APBA1: variants seen among roughly 807,000 people sequenced by gnomAD.
The protein encoded by APBA1 is amyloid beta precursor protein binding family A member 1, also known as amyloid-beta A4 precursor protein-binding family A member 1.
A neutral mutation model predicts 86.6 loss-of-function variants in APBA1; 55 were observed. That is an observed-to-expected ratio of 0.64 (90% CI 0.51 to 0.80). The LOEUF (loss-of-function observed/expected upper bound fraction) is 0.80. Among genes scored for constraint, APBA1 ranks in the 30% least tolerant of loss-of-function variants. The pLI is 0.00. For missense variants in APBA1, 1,090 were observed against 1,183.0 expected, an observed-to-expected ratio of 0.92 and a Z score of 1.15; for synonymous variants, 511 against 493.9, an observed-to-expected ratio of 1.03 and a Z score of -0.46.
chr9:69,593,822 A>G (rs573367302), intron 1 of APBA1, among the ~76,000 whole-genome samples: 1 of 152,222 alleles, frequency 6.6e-6, no homozygotes, highest in Non-Finnish European at 1.5e-5. Context: ...ACCTTTTATT[A>G]GCGTTTTTCA....
intron 1 of APBA1, among the ~76,000 whole-genome samples, chr9:69,645,200 T>C (rs1823368552): frequency 6.6e-6 from 1 of 152,148 alleles, no homozygotes; most frequent in Non-Finnish European, 1.5e-5. Flanking sequence ...ACTTGTATGT[T>C]TTTTATTACC....
intron 2 of APBA1, among the ~76,000 whole-genome samples, chr9:69,492,027 A>G (rs1835722061): frequency 6.6e-6 from 1 of 152,062 alleles, no homozygotes; most frequent in Admixed American, 6.5e-5. Flanking sequence ...AGCCTCCCAT[A>G]GTGCTGGGAT....
chr9:69,489,366 C>T (rs886716106), intron 2 of APBA1, among the ~76,000 whole-genome samples: 1 of 152,048 alleles, frequency 6.6e-6, no homozygotes, highest in Admixed American at 6.6e-5. Context: ...CTGACAAAAA[C>T]AAGCAATGGG....
At chr9:69,636,987 A>AAAGAAAGATAG (rs1564099121) in intron 1 of APBA1, among the ~76,000 whole-genome samples, 39 of 96,344 alleles carry the variant, frequency 4.0e-4, no homozygotes, top group Non-Finnish European at 8.0e-4. Flanking sequence ...AAGAAAGAAA[A>AAAGAAAGATAG]ATGTGATACA....
intron 2 of APBA1, among the ~76,000 whole-genome samples, chr9:69,512,391 T>C (rs186324744): frequency 3.2e-4 from 48 of 152,334 alleles, no homozygotes; most frequent in Admixed American, 9.1e-4. Flanking sequence ...CTGGGGGAAT[T>C]AAAAGTAGTG....
At chr9:69,545,802 T>A (rs934504135) in intron 1 of APBA1, among the ~76,000 whole-genome samples, 2 of 152,200 alleles carry the variant, frequency 1.3e-5, no homozygotes, top group Admixed American at 1.3e-4. Flanking sequence ...AGATGTGAAA[T>A]GACTTTGAAT....
chr9:69,636,971 G>T (rs967163734), intron 1 of APBA1, among the ~76,000 whole-genome samples: 5 of 151,080 alleles, frequency 3.3e-5, no homozygotes, highest in African/African-American at 1.2e-4. Context: ...AAGAAAGAAA[G>T]AAAGAAAGAA....
Position 69,457,129 on chromosome 9 carries a change from C to T in APBA1, c.1526G>A (p.Gly509Asp). ...LAKSRKKAPE[G>D]ESQPMTEVDL... ...CACTTCAGTCATTGGCTGAGATTCG[C>T]CTTCAGGAGCCTGAGAAGAAAAAAT... is the stretch of plus-strand genomic sequence containing the variant. The change falls in exon 7 of 13, where the codon GGC becomes GAC. Residue 509 changes from glycine to aspartate, a missense_variant. Gly to Asp is a moderately conservative substitution (Grantham distance 94). This residue lies in a region of APBA1 where 76 missense variants were observed against 122.2 expected (regional missense o/e 0.62). Transcript: ENST00000265381. 1 of 1,614,054 alleles carries T rather than the reference C, an allele frequency of 6.2e-7. No homozygotes were observed. Among genetic ancestry groups the T allele is most frequent in the Non-Finnish European group, 8.5e-7 (1 of 1,179,942 alleles).
intron 2 of APBA1, among the ~76,000 whole-genome samples, chr9:69,483,133 AGT>A (rs1491314669): frequency 2.2e-4 from 30 of 135,614 alleles, no homozygotes; most frequent in Admixed American, 1.2e-3. Flanking sequence ...AAAAAAATTA[AGT>A]CAAAAAAACA....
At chr9:69,641,363 C>G (rs1823283626) in intron 1 of APBA1, among the ~76,000 whole-genome samples, 1 of 152,096 alleles carries the variant, frequency 6.6e-6, no homozygotes, top group African/African-American at 2.4e-5. Flanking sequence ...TAATACCAAT[C>G]AAAATCCCAG....
At chr9:69,601,380 G>C (rs1449040085) in intron 1 of APBA1, among the ~76,000 whole-genome samples, 1 of 152,148 alleles carries the variant, frequency 6.6e-6, no homozygotes, top group African/African-American at 2.4e-5. Flanking sequence ...TGAAATATAG[G>C]AAGATATATT....
rs1405119314 is a variant in APBA1, at chr9:69,456,422, A to G, written c.1613T>C (p.Met538Thr). 1 of 1,597,462 alleles carries G rather than the reference A, an allele frequency of 6.3e-7. No homozygotes were observed. Among genetic ancestry groups the G allele is most frequent in the Non-Finnish European group, 8.5e-7 (1 of 1,170,384 alleles). ...VLNADTQETMMDHPLRTISYI... is the reference protein window; with the variant it reads ...VLNADTQETMTDHPLRTISYI... ...GGAAATGGTCCTCAGAGGGTGGTCC[A>G]TCATTGTCTCCTGGAGGCAGGAAGA... Residue 538 changes from methionine (M) to threonine (T), a missense_variant, in exon 8 of 13, where the codon ATG (methionine) becomes ACG (threonine). Around this residue, in one of 6 missense-constraint regions of APBA1, gnomAD observed 103 missense variants for 91.9 expected, o/e 1.12. Transcript: ENST00000265381.
At chr9:69,658,330 C>CT (rs1823677750) in intron 1 of APBA1, among the ~76,000 whole-genome samples, 4 of 137,816 alleles carry the variant, frequency 2.9e-5, no homozygotes, top group Non-Finnish European at 6.4e-5. Flanking sequence ...TTCTTTCTTT[C>CT]TTTCTTTCTT....
intron 1 of APBA1, among the ~76,000 whole-genome samples, chr9:69,660,558 T>C (rs534898546): frequency 2.0e-5 from 3 of 152,340 alleles, no homozygotes; most frequent in African/African-American, 7.2e-5. Flanking sequence ...CTTTTCCTTT[T>C]ATGGTTAATA....
chr9:69,659,650 C>G (rs887466047), intron 1 of APBA1, among the ~76,000 whole-genome samples: 1 of 152,216 alleles, frequency 6.6e-6, no homozygotes, highest in Non-Finnish European at 1.5e-5. Context: ...TCCTGAGCCT[C>G]TCATCCTCCA....
At chr9:69,616,870 G>A (rs1228751717) in intron 1 of APBA1, among the ~76,000 whole-genome samples, 2 of 152,112 alleles carry the variant, frequency 1.3e-5, no homozygotes, top group African/African-American at 4.8e-5. Context: ...AAAGTTATCA[G>A]AATCAAAATG....
At chr9:69,644,846 T>A (rs935729636) in intron 1 of APBA1, among the ~76,000 whole-genome samples, 2 of 152,182 alleles carry the variant, frequency 1.3e-5, no homozygotes, top group Non-Finnish European at 2.9e-5. Flanking sequence ...AAAGATGTGC[T>A]TCAAGAAGAT....
rs772262179 is a variant in APBA1, at chr9:69,431,141, GAAAAAAA to G, written c.*179_*185del. On this transcript the variant is annotated 3_prime_UTR_variant, in exon 13 of 13. Transcript: ENST00000265381. ...GTGCATACGAAACTTCCCTGGTATT[GAAAAAAA>G]AAAAAAAAAAAAAGCAAATCGGAGA... 4.6e-4 allele frequency: 132 copies of G among 285,072 alleles called. 1 individual carries two copies. The highest frequency in any genetic ancestry group is 6.7e-4 in the Non-Finnish European group (111 of 165,080). 17.7% of individuals were successfully genotyped at this position (285,072 alleles called of 1,614,324 possible).
intron 2 of APBA1, among the ~76,000 whole-genome samples, chr9:69,486,609 G>T (rs13298177): frequency 0.011 from 1,651 of 152,134 alleles, 29 homozygotes; most frequent in Non-Finnish European, 0.018. Context: ...AATGCTTTGT[G>T]GGGGAGGTGG....
Sources: gnomAD v4.1 joint callset for allele counts (sites outside exome capture counted in the v4.1 genomes callset) on GRCh38, gnomAD v4.1.1 for gene constraint, gnomAD v4.1.1 regional missense constraint, MANE v1.5 for transcripts, NCBI Gene and HGNC (gene_info 2026-07-23, HGNC 2026-07-21) for gene names.